The following TMEM108 variants were observed in gnomAD, a reference collection of about 807,000 sequenced individuals.
The protein encoded by TMEM108 is cancer/testis antigen 124.
In TMEM108, 12 loss-of-function variants were observed where a neutral mutation model predicts 35.1. The observed-to-expected ratio is 0.34, with a 90% CI of 0.22 to 0.55. TMEM108 has a LOEUF of 0.55. Ranked by LOEUF, TMEM108 falls within the 20% of genes least tolerant of loss-of-function variation. The pLI, the probability that TMEM108 is intolerant of heterozygous loss-of-function variation, is 0.89. For missense variants in TMEM108, 680 were observed against 753.3 expected (o/e 0.90, Z 1.14); for synonymous variants, 287 against 308.6 (o/e 0.93, Z 0.73).
chr3:133,118,155 G>A (rs1944310489), intron 2 of TMEM108, among the ~76,000 whole-genome samples: 1 of 152,100 alleles, frequency 6.6e-6, no homozygotes, highest in Non-Finnish European at 1.5e-5. Flanking sequence ...CTTACGCTAG[G>A]TTCTCTGACT....
chr3:133,296,158 T>G (rs765750059), intron 3 of TMEM108, among the ~76,000 whole-genome samples: 19 of 152,208 alleles, frequency 1.2e-4, no homozygotes, highest in Non-Finnish European at 2.6e-4. Flanking sequence ...CTTTTTTTGT[T>G]TTGGTTTTCT....
At chr3:133,334,539 A>C (rs2071454659) in intron 3 of TMEM108, among the ~76,000 whole-genome samples, 1 of 152,118 alleles carries the variant, frequency 6.6e-6, no homozygotes, top group Admixed American at 6.5e-5. Flanking sequence ...TCCATCTGGC[A>C]GGAGGAGGTG....
chr3:133,097,001 CT>C (rs1446022373), intron 2 of TMEM108, among the ~76,000 whole-genome samples: 5 of 152,230 alleles, frequency 3.3e-5, no homozygotes, highest in African/African-American at 1.2e-4. Flanking sequence ...CTTTTCTCTT[CT>C]GTCCGCACCC....
Position 133,086,890 on chromosome 3 carries a change from G to A in TMEM108, c.-47+40870G>A, listed in dbSNP as rs1472433259. ...TGAGATTCCATGTCTCACTTCCATG[G>A]TTACAGAAGGATCAGCATGCTTTAT... On this transcript the variant is annotated intron_variant, in intron 2 of 5. Transcript: ENST00000321871. 2.0e-5 allele frequency among the ~76,000 whole-genome samples: 3 copies of A among 152,148 alleles called. No homozygotes were observed. The East Asian group carries it at 5.8e-4, about 29-fold the overall frequency.
intron 3 of TMEM108, among the ~76,000 whole-genome samples, chr3:133,320,158 G>A (rs2071248858): frequency 2.0e-5 from 3 of 152,120 alleles, no homozygotes; most frequent in Admixed American, 1.3e-4. Flanking sequence ...CTCCCCAGCA[G>A]TGGATTCAAA....
At chr3:133,107,455 G>GGTGTGTGTGTGTGTGTGT (rs59305794) in intron 2 of TMEM108, among the ~76,000 whole-genome samples, 2 of 143,502 alleles carry the variant, frequency 1.4e-5, no homozygotes, top group Non-Finnish European at 3.0e-5. Context: ...AAGTGTATGT[G>GGTGTGTGTGTGTGTGTGT]GTGTGTGTGT....
At chr3:133,379,684 G>A (rs2072943305) in intron 3 of TMEM108, 68 bp from the exon 4 acceptor site, 1 of 1,508,374 alleles carries the variant, frequency 6.6e-7, no homozygotes, top group African/African-American at 1.4e-5. Flanking sequence ...TAGGCCACAG[G>A]TAAGAAAGGC....
intron 3 of TMEM108, among the ~76,000 whole-genome samples, chr3:133,302,665 C>A (rs1008975240): frequency 6.6e-6 from 1 of 152,054 alleles, no homozygotes; most frequent in African/African-American, 2.4e-5. Flanking sequence ...CATGATCCTC[C>A]CGCCTCGGCC....
intron 3 of TMEM108, among the ~76,000 whole-genome samples, chr3:133,282,520 G>A (rs2048628): frequency 0.96 from 146,220 of 152,302 alleles, 70,438 homozygotes; most frequent in East Asian, 1. Flanking sequence ...TTCATCTCTG[G>A]TGGGCTTAGA....
At chr3:133,182,959 G>A (rs550592157) in intron 2 of TMEM108, among the ~76,000 whole-genome samples, 1 of 152,288 alleles carries the variant, frequency 6.6e-6, no homozygotes, top group Non-Finnish European at 1.5e-5. Context: ...ATTACAAGTT[G>A]AGTATCTCTT....
chr3:133,325,945 TATG>T (rs1477291768), intron 3 of TMEM108, among the ~76,000 whole-genome samples: 1 of 151,966 alleles, frequency 6.6e-6, no homozygotes, highest in African/African-American at 2.4e-5. Flanking sequence ...CCAGAAGAAA[TATG>T]ATGTCTGGGA....
chr3:133,105,779 G>T (rs1944142982), intron 2 of TMEM108, among the ~76,000 whole-genome samples: 1 of 152,180 alleles, frequency 6.6e-6, no homozygotes, highest in African/African-American at 2.4e-5. Flanking sequence ...TTCAGTTTTT[G>T]AACCTGAGTA....
chr3:133,248,371 G>A (rs1029645427), intron 3 of TMEM108: 1 of 152,178 alleles, frequency 6.6e-6, no homozygotes, highest in Non-Finnish European at 1.5e-5. Flanking sequence ...GACTGAGATT[G>A]TCTTACTCCA....
intron 3 of TMEM108, among the ~76,000 whole-genome samples, chr3:133,372,776 A>G (rs945000220): frequency 6.6e-6 from 1 of 152,238 alleles, no homozygotes; most frequent in Admixed American, 6.5e-5. Flanking sequence ...TATCTGAGGC[A>G]TGTTCCCAGC....
At chr3:133,178,118 A>G (rs1247760764) in intron 2 of TMEM108, among the ~76,000 whole-genome samples, 3 of 152,190 alleles carry the variant, frequency 2.0e-5, no homozygotes, top group Non-Finnish European at 2.9e-5. Context: ...GATGTGAAGG[A>G]CCTCTTCAAG....
intron 2 of TMEM108, among the ~76,000 whole-genome samples, chr3:133,207,151 A>G (rs889927566): frequency 1.3e-5 from 2 of 152,158 alleles, no homozygotes; most frequent in Non-Finnish European, 2.9e-5. Flanking sequence ...GGTGTTGCGA[A>G]GACCATGGGA....
At chr3:133,271,989 C>G (rs57116584) in intron 3 of TMEM108, among the ~76,000 whole-genome samples, 2 of 151,872 alleles carry the variant, frequency 1.3e-5, no homozygotes, top group African/African-American at 4.8e-5. Flanking sequence ...ATTAATGAAT[C>G]AATAAAAATG....
At chr3:133,100,220 C>G (rs1010828935) in intron 2 of TMEM108, among the ~76,000 whole-genome samples, 1 of 152,144 alleles carries the variant, frequency 6.6e-6, no homozygotes, top group Admixed American at 6.5e-5. Flanking sequence ...ATGAGAATAG[C>G]AGGGGAAAGA....
intron 3 of TMEM108, among the ~76,000 whole-genome samples, chr3:133,310,571 T>G (rs1576448256): frequency 7.2e-6 from 1 of 138,498 alleles, no homozygotes; most frequent in East Asian, 2.3e-4. Context: ...CTTTCCATTC[T>G]CTTGGTAGAT....
Sources: allele counts gnomAD v4.1 joint callset (sites outside exome capture counted in the v4.1 genomes callset), GRCh38; gene constraint gnomAD v4.1.1; transcripts MANE v1.5; gene names NCBI Gene and HGNC (gene_info 2026-07-23, HGNC 2026-07-21).